The following CCNQ variants were observed in gnomAD, a reference collection of about 807,000 sequenced individuals.
The protein encoded by CCNQ is cyclin Q.
CCNQ carries 3 observed loss-of-function variants against 17.7 expected under a neutral mutation model. The ratio of observed to expected loss-of-function variants is 0.17; its 90% CI spans 0.08 to 0.44. CCNQ has a LOEUF of 0.44. Ranked by LOEUF, CCNQ falls within the 20% of genes least tolerant of loss-of-function variation. The pLI, the probability that CCNQ is intolerant of heterozygous loss-of-function variation, is 0.99. For missense variants in CCNQ, 146 were observed against 222.6 expected (o/e 0.66, Z 2.19); for synonymous variants, 73 against 96.0 (o/e 0.76, Z 1.40).
At chrX:153,598,416 G>GAA (rs367834978) in intron 1 of CCNQ, among the ~76,000 whole-genome samples, 1 of 101,889 alleles carries the variant, frequency 9.8e-6, no homozygotes, top group African/African-American at 3.6e-5. Flanking sequence ...ACTCCGTCTC[G>GAA]AAAAAAAAAA....
intron 1 of CCNQ, among the ~76,000 whole-genome samples, chrX:153,598,145 G>T (rs1235505680): frequency 9.0e-6 from 1 of 111,236 alleles, no homozygotes; most frequent in African/African-American, 3.3e-5. Context: ...GCCGGACGAG[G>T]TAGCTCACGC....
chrX:153,595,956 C>T (rs1436706051), intron 2 of CCNQ, 48 bp downstream of exon 2: 15 of 1,200,777 alleles, frequency 1.2e-5, no homozygotes, highest in Non-Finnish European at 1.6e-5. Flanking sequence ...CTTCCCTGCC[C>T]GTCCCCCCCA....
intron 4 of CCNQ, among the ~76,000 whole-genome samples, chrX:153,589,473 T>C (rs983172631): frequency 2.5e-4 from 28 of 113,057 alleles, no homozygotes; most frequent in African/African-American, 7.4e-4. Context: ...TTCCTTGTAA[T>C]AAACCGGAAC....
intron 3 of CCNQ, among the ~76,000 whole-genome samples, chrX:153,594,294 G>A (rs1188312296): frequency 1.8e-5 from 2 of 112,588 alleles, no homozygotes; most frequent in African/African-American, 6.4e-5. Flanking sequence ...CACGGACCCC[G>A]CCCACAGGTG....
intron 3 of CCNQ, among the ~76,000 whole-genome samples, chrX:153,592,946 A>T (rs2148299849): frequency 9.0e-6 from 1 of 111,649 alleles, no homozygotes; most frequent in African/African-American, 3.3e-5. Flanking sequence ...CCTCTGCCTG[A>T]AACCAGCTCA....
intron 4 of CCNQ, among the ~76,000 whole-genome samples, chrX:153,589,132 C>T (rs1481177470): frequency 8.9e-6 from 1 of 112,793 alleles, no homozygotes; most frequent in Non-Finnish European, 1.9e-5. Context: ...GACTGCCAGG[C>T]GGTCTGTGCT....
chrX:153,590,538 G>C (rs1244106625), intron 4 of CCNQ, among the ~76,000 whole-genome samples: 1 of 111,533 alleles, frequency 9.0e-6, no homozygotes, highest in Non-Finnish European at 1.9e-5. Context: ...GGGGTTGAAC[G>C]GGGCCAGAGC....
rs1477332716 is a variant in CCNQ, at chrX:153,598,821, A to C, written c.112+141T>G. On this transcript the variant is annotated intron_variant, in intron 1 of 4. Coordinates refer to ENST00000576892, the MANE Select transcript of CCNQ (RefSeq NM_152274.5). Reference sequence around the variant, plus strand: ...GCTCAGCACACCGGGCGCGGCGCAAAGGCGGAGGTCCTCAGCCCCGAGCAG... The same window carrying C: ...GCTCAGCACACCGGGCGCGGCGCAACGGCGGAGGTCCTCAGCCCCGAGCAG... 17 of 355,873 alleles carry C rather than the reference A, an allele frequency of 4.8e-5. No individual in the cohort carries two copies. In the East Asian group the frequency reaches 8.9e-4, roughly 19 times the overall value. 29.3% of individuals were successfully genotyped at this position (355,873 alleles called of 1,213,427 possible).
Position 153,592,691 on chromosome X carries a change from G to A in CCNQ, c.472C>T (p.Arg158Cys), listed in dbSNP as rs781795178. Residue 158 changes from arginine (R) to cysteine (C), a missense_variant, in exon 4 of 5, where the codon CGC (arginine) becomes TGC (cysteine). By Grantham distance (180) the Arg-to-Cys change is radical (BLOSUM62 -3). Transcript: ENST00000576892. Reference protein sequence around the residue: ...YLVSLQNWLNRHSWQRTPVAV... With the variant: ...YLVSLQNWLNCHSWQRTPVAV... ...ACAGGGGTCCGCTGCCAGCTGTGGC[G>A]GTTCAGCCAGTTCTGGAGGGAAACC... 8.3e-7 allele frequency: 1 copy of A among 1,211,073 alleles called. No individual in the cohort carries two copies. Among genetic ancestry groups the A allele is most frequent in the East Asian group, 3.0e-5 (1 of 33,810 alleles).
intron 3 of CCNQ, among the ~76,000 whole-genome samples, chrX:153,593,366 A>G (rs1172004849): frequency 8.9e-6 from 1 of 112,247 alleles, no homozygotes; most frequent in Non-Finnish European, 1.9e-5. Context: ...CCTGACTGGA[A>G]GGAGGGGAAG....
Position 153,588,298 on chromosome X carries a change from G to A in CCNQ, c.*67C>T, listed in dbSNP as rs782183736. On this transcript the variant is annotated 3_prime_UTR_variant, in exon 5 of 5. Coordinates refer to ENST00000576892, the MANE Select transcript of CCNQ (RefSeq NM_152274.5). The stretch of plus-strand genomic sequence containing the variant: ...TGTGGGGACCAGCCGTCATGGCGAC[G>A]TGGTGACAATGTCCCCAGGCAGCCG... The A allele has an allele frequency of 1.4e-5, 13 of 900,236 alleles. No individual in the cohort carries two copies. Among genetic ancestry groups the A allele is most frequent in the South Asian group, 1.4e-4 (7 of 50,683 alleles). 74.2% of individuals were successfully genotyped at this position (900,236 alleles called of 1,213,427 possible).
At chrX:153,591,427 C>G (rs1569536769) in intron 4 of CCNQ, among the ~76,000 whole-genome samples, 2 of 112,195 alleles carry the variant, frequency 1.8e-5, no homozygotes, top group Non-Finnish European at 3.8e-5. Context: ...TGCAGGGTTA[C>G]CTGGGCTCGC....
At position 153,588,297 on chromosome X, in the gene CCNQ, C is replaced by T. The variant is rs906608752; in HGVS notation, c.*68G>A. 3 of 898,613 alleles carry T rather than the reference C, an allele frequency of 3.3e-6. No individual in the cohort carries two copies. The African/African-American group carries it at 5.8e-5, about 18-fold the overall frequency. 74.1% of individuals were successfully genotyped at this position (898,613 alleles called of 1,213,427 possible). A position where few individuals can be genotyped will look rare whatever the true frequency, so the allele number is the denominator to read the frequency against. ...CTGTGGGGACCAGCCGTCATGGCGA[C>T]GTGGTGACAATGTCCCCAGGCAGCC... On this transcript the variant is annotated 3_prime_UTR_variant, in exon 5 of 5. Transcript: ENST00000576892.
chrX:153,598,942 C>A lies in CCNQ; in HGVS notation c.112+20G>T. On this transcript the variant is annotated intron_variant, in intron 1 of 4. Coordinates refer to ENST00000576892, the MANE Select transcript of CCNQ (RefSeq NM_152274.5). The stretch of plus-strand genomic sequence containing the variant: ...CGGGCCGCGGCGCCGCCTGTCCTGG[C>A]CTCCCCCGGCCGCGGTTACCTGCCT... 1 of 1,099,912 alleles carries A rather than the reference C, an allele frequency of 9.1e-7. No homozygotes were observed. The allele number at this position is 1,099,912 out of a possible 1,213,427, so 90.6% of individuals were successfully genotyped here. A position where few individuals can be genotyped will look rare whatever the true frequency, so the allele number is the denominator to read the frequency against.
intron 4 of CCNQ, among the ~76,000 whole-genome samples, chrX:153,591,103 A>C (rs1181991121): frequency 9.0e-6 from 1 of 111,523 alleles, no homozygotes; most frequent in African/African-American, 3.3e-5. Context: ...ACAAGGAAGA[A>C]AGGGTTTCAA....
At position 153,594,674 on chromosome X, in the gene CCNQ, A is replaced by C; in HGVS notation, c.302T>G (p.Phe101Cys). Residue 101 changes from phenylalanine (F) to cysteine (C), a missense_variant, in exon 3 of 5, where the codon TTT becomes TGT. Coordinates refer to ENST00000576892, the MANE Select transcript of CCNQ (RefSeq NM_152274.5). ...RDIINVSNRYFNPSGEPLELD... is the reference protein window; with the variant it reads ...RDIINVSNRYCNPSGEPLELD... Reference sequence around the variant, plus strand: ...TTCCAGGGGCTCACCGCTTGGGTTAAAGTACCTGCGCAGAGAAATGGCAAT... The same window carrying C: ...TTCCAGGGGCTCACCGCTTGGGTTACAGTACCTGCGCAGAGAAATGGCAAT... 1 of 1,211,688 alleles carries C rather than the reference A, an allele frequency of 8.3e-7. No homozygotes were observed. Among genetic ancestry groups the C allele is most frequent in the Non-Finnish European group, 1.1e-6 (1 of 895,435 alleles).
chrX:153,596,159 G>T lies in CCNQ; in HGVS notation c.141C>A (p.Pro47=). The T allele has an allele frequency of 8.2e-7, 1 of 1,212,318 alleles. No individual in the cohort carries two copies. Among genetic ancestry groups the T allele is most frequent in the South Asian group, 1.8e-5 (1 of 57,040 alleles). Residue 47 remains proline, a synonymous_variant, in exon 2 of 5, where the codon CCC becomes CCA. Coordinates refer to ENST00000576892, the MANE Select transcript of CCNQ (RefSeq NM_152274.5). ...GGTAAATGGTGCAAGCAGTGGCAAT[G>T]GGAATGGACCGCATCCCTAGCTTGA... ...AGVKLGMRSI[P]IATACTIYHK...
rs782370053 is a variant in CCNQ at position 153,588,496 on chromosome X, T to C, written c.658-42A>G. 1.3e-5 allele frequency: 13 copies of C among 997,298 alleles called. No individual in the cohort carries two copies. The African/African-American group carries it at 2.4e-4, about 19-fold the overall frequency. The allele number at this position is 997,298 out of a possible 1,213,427, so 82.2% of individuals were successfully genotyped here. A position where few individuals can be genotyped will look rare whatever the true frequency, so the allele number is the denominator to read the frequency against. ...AAACAGGTTCCAGTTAGACTCCCTCTATGTTAAACAAGGCACCTGTCACTA... is the reference window on the plus strand; with the variant it reads ...AAACAGGTTCCAGTTAGACTCCCTCCATGTTAAACAAGGCACCTGTCACTA... On this transcript the variant is annotated intron_variant, in intron 4 of 4. Coordinates refer to ENST00000576892, the MANE Select transcript of CCNQ (RefSeq NM_152274.5).
At position 153,599,102 on chromosome X, in the gene CCNQ, G is replaced by A; in HGVS notation, c.-29C>T. On this transcript the variant is annotated 5_prime_UTR_variant, in exon 1 of 5. Transcript: ENST00000576892. The stretch of plus-strand genomic sequence containing the variant: ...GCGCCGCGGCACCGGCGGAAGGAGA[G>A]GCGGCCCCGGCGCGCAGAAGCCGGC... 2.4e-6 allele frequency: 2 copies of A among 819,651 alleles called. No individual in the cohort carries two copies. Among genetic ancestry groups the A allele is most frequent in the Non-Finnish European group, 1.5e-6 (1 of 649,681 alleles). 67.5% of individuals were successfully genotyped at this position (819,651 alleles called of 1,213,427 possible).
Sources: allele counts gnomAD v4.1 joint callset (sites outside exome capture counted in the v4.1 genomes callset), GRCh38; gene constraint gnomAD v4.1.1; transcripts MANE v1.5; gene names NCBI Gene and HGNC (gene_info 2026-07-23, HGNC 2026-07-21).